Variants in LARP1 observed in about 807,000 individuals in gnomAD.
The protein encoded by LARP1 is La ribonucleoprotein 1, translational regulator, also known as la-related protein 1.
In LARP1, 36 loss-of-function variants were observed where a neutral mutation model predicts 122.7. The observed-to-expected ratio is 0.29, with a 90% confidence interval of 0.22 to 0.39. The LOEUF is 0.39. Among genes scored for constraint, LARP1 ranks in the 10% least tolerant of loss-of-function variants. LARP1 has a pLI of 1.00. For missense variants in LARP1, 1,040 were observed against 1,403.6 expected (o/e 0.74, Z 4.14); for synonymous variants, 539 against 528.7 (o/e 1.02, Z -0.27).
Position 154,814,141 on chromosome 5 carries a change from G to A in LARP1, c.*45G>A, listed in dbSNP as rs1450052696. On this transcript the variant is annotated 3_prime_UTR_variant, in exon 19 of 19. Transcript: ENST00000518297. ...GCTTGAGGGGGGAAAGGGGTAGGGT[G>A]GGTAAGAGTCCATGGGGGTGCCCAG... 9 of 1,590,362 alleles carry A rather than the reference G, an allele frequency of 5.7e-6. No individual in the cohort carries two copies. Among genetic ancestry groups the A allele is most frequent in the Non-Finnish European group, 7.7e-6 (9 of 1,163,284 alleles).
chr5:154,789,099 T>C (rs1023893209), intron 1 of LARP1, among the ~76,000 whole-genome samples: 22 of 151,432 alleles, frequency 1.5e-4, no homozygotes, highest in African/African-American at 5.3e-4. Context: ...CAGTCCCAGC[T>C]ACTTGGGAGG....
chr5:154,795,996 T>A (rs1421445839), intron 8 of LARP1, among the ~76,000 whole-genome samples: 34 of 100,646 alleles, frequency 3.4e-4, no homozygotes, highest in African/African-American at 9.0e-4. Context: ...TTATATATTT[T>A]TATATATATT....
chr5:154,813,978 C>A lies in LARP1; in HGVS notation c.3173C>A (p.Ser1058Tyr). 6.2e-7 allele frequency: 1 copy of A among 1,614,120 alleles called. No individual in the cohort carries two copies. The highest frequency in any genetic ancestry group is 8.5e-7 in the Non-Finnish European group (1 of 1,179,992). Residue 1058 changes from serine to tyrosine, a missense_variant, in exon 19 of 19, where the codon TCT (serine) becomes TAT (tyrosine). By Grantham distance (144) the Ser-to-Tyr change is moderately radical. Transcript: ENST00000518297. ...GEGRKRCPSQ[S>Y]SSRPAAMISQ... ...GGCAGGAAGCGGTGCCCCTCCCAGT[C>A]TTCCAGCAGGCCTGCTGCCATGATC...
chr5:154,718,112 G>T (rs1232674606), intron 1 of LARP1, among the ~76,000 whole-genome samples: 1 of 151,914 alleles, frequency 6.6e-6, no homozygotes, highest in Non-Finnish European at 1.5e-5. Context: ...TGTAGAAACG[G>T]GGTCTCACTT....
At chr5:154,722,000 C>T (rs150007393) in intron 1 of LARP1, among the ~76,000 whole-genome samples, 9 of 152,344 alleles carry the variant, frequency 5.9e-5, no homozygotes, top group African/African-American at 1.7e-4. Flanking sequence ...ATCTCCTCTT[C>T]ACTGTTTCCA....
chr5:154,794,315 T>C, intron 7 of LARP1, 53 bp downstream of exon 7: 4 of 1,579,640 alleles, frequency 2.5e-6, no homozygotes, highest in Non-Finnish European at 2.6e-6. Flanking sequence ...AGGTTAGGGG[T>C]TGCTAGAGTG....
rs775633522 is a variant in LARP1 at position 154,793,970 on chromosome 5, G to T, written c.1039G>T (p.Gly347Cys). ...TGGCCGTGGACGGGGGCGTGGTCGC[G>T]GCCGGGGACGCGGCCGGGGTGGCAC... Reference protein sequence around the residue: ...FRGRGRGRGRGRGRGRGGTRT... With the variant: ...FRGRGRGRGRCRGRGRGGTRT... Residue 347 changes from glycine (G) to cysteine (C), a missense_variant, in exon 6 of 19, where the codon GGC becomes TGC. This residue lies in a region of LARP1 where 178 missense variants were observed against 178.3 expected (regional missense o/e 1.00). Transcript: ENST00000518297. 1 of 1,611,160 alleles carries T rather than the reference G, an allele frequency of 6.2e-7. No homozygotes were observed. Among genetic ancestry groups the T allele is most frequent in the Non-Finnish European group, 8.5e-7 (1 of 1,178,096 alleles).
chr5:154,806,111 G>T, intron 15 of LARP1, 79 bp downstream of exon 15: 1 of 1,435,488 alleles, frequency 7.0e-7, no homozygotes, highest in Non-Finnish European at 9.4e-7. Context: ...GGGATACGGG[G>T]ATAGGTGACT....
At chr5:154,764,608 A>AAC (rs1384400786) in intron 1 of LARP1, among the ~76,000 whole-genome samples, 2 of 149,308 alleles carry the variant, frequency 1.3e-5, no homozygotes, top group African/African-American at 4.9e-5. Context: ...AAAAAAAAAA[A>AAC]AAAAAAAAAA....
chr5:154,691,874 C>A (rs1333044093), intron 1 of LARP1, among the ~76,000 whole-genome samples: 4 of 152,032 alleles, frequency 2.6e-5, no homozygotes, highest in African/African-American at 7.2e-5. Flanking sequence ...ACTGCAACCT[C>A]CCCCTCCGGG....
intron 1 of LARP1, among the ~76,000 whole-genome samples, chr5:154,739,262 C>T (rs1046306715): frequency 9.2e-5 from 14 of 152,108 alleles, no homozygotes; most frequent in Admixed American, 7.2e-4. Context: ...CCTCGTGATC[C>T]GCCCACCTCG....
chr5:154,816,243 T>G lies in LARP1; in HGVS notation c.*2147T>G, dbSNP rs906289559. 3.9e-5 allele frequency: 6 copies of G among 153,864 alleles called. No homozygotes were observed. Among genetic ancestry groups the G allele is most frequent in the Non-Finnish European group, 5.8e-5 (4 of 69,022 alleles). The allele number at this position is 153,864 out of a possible 1,614,324, so 9.5% of individuals were successfully genotyped here. A position where few individuals can be genotyped will look rare whatever the true frequency, so the allele number is the denominator to read the frequency against. On this transcript the variant is annotated 3_prime_UTR_variant, in exon 19 of 19. Transcript: ENST00000518297. ...GCCTGCCCCACATTGTACCGGACACTGGATTCCTGGACCCCCTTCTCCTTT... is the reference window on the plus strand; with the variant it reads ...GCCTGCCCCACATTGTACCGGACACGGGATTCCTGGACCCCCTTCTCCTTT...
At chr5:154,759,816 T>G (rs1017503612) in intron 1 of LARP1, among the ~76,000 whole-genome samples, 6 of 152,228 alleles carry the variant, frequency 3.9e-5, no homozygotes, top group African/African-American at 1.4e-4. Flanking sequence ...ATAAATTAAT[T>G]ACATGAGACA....
Position 154,800,060 on chromosome 5 carries a change from C to T in LARP1, c.1716+18C>T, listed in dbSNP as rs370798001. 1.2e-6 allele frequency: 2 copies of T among 1,610,608 alleles called. No individual in the cohort carries two copies. The highest frequency in any genetic ancestry group is 1.7e-6 in the Non-Finnish European group (2 of 1,178,628). ...GGCCCAAGGTGGGTGAGGCCTTGTC[C>T]CTTGCCTTGGTTCTAGCACTCTGAG... On this transcript the variant is annotated intron_variant, in intron 10 of 18. Transcript: ENST00000518297.
rs1220667566 is a variant in LARP1 at position 154,744,164 on chromosome 5, C to T, written c.205+31034C>T. On this transcript the variant is annotated intron_variant, in intron 1 of 18. Transcript: ENST00000336314. Reference sequence around the variant, plus strand: ...GGCAGGGGAGGATCATAAACATATGCGAAGGTCACCAAATGCTAAAACAAT... The same window carrying T: ...GGCAGGGGAGGATCATAAACATATGTGAAGGTCACCAAATGCTAAAACAAT... 2.0e-5 allele frequency among the ~76,000 whole-genome samples: 3 copies of T among 152,100 alleles called. No homozygotes were observed. In the East Asian group the frequency reaches 5.8e-4, roughly 29 times the overall value.
intron 1 of LARP1, among the ~76,000 whole-genome samples, chr5:154,700,860 G>A (rs1273096972): frequency 6.6e-6 from 1 of 152,144 alleles, no homozygotes; most frequent in Non-Finnish European, 1.5e-5. Flanking sequence ...GGGAGGCTGA[G>A]GCAGGAGAAT....
intron 1 of LARP1, among the ~76,000 whole-genome samples, chr5:154,706,512 C>T (rs1754958160): frequency 6.6e-6 from 1 of 151,766 alleles, no homozygotes. Context: ...ACTTTGAGTA[C>T]ATAGGGCCTC....
Position 154,811,154 on chromosome 5 carries a change from T to G in LARP1, c.2844-93T>G. 3 of 912,476 alleles carry G rather than the reference T, an allele frequency of 3.3e-6. No homozygotes were observed. In the Admixed American group the frequency reaches 6.2e-5, roughly 19 times the overall value. The allele number at this position is 912,476 out of a possible 1,614,324, so 56.5% of individuals were successfully genotyped here. On this transcript the variant is annotated intron_variant, in intron 16 of 18. Coordinates refer to ENST00000518297, the MANE Select transcript of LARP1 (RefSeq NM_033551.3). The stretch of plus-strand genomic sequence containing the variant: ...TTTCAATACAGAAATAACATGTAGT[T>G]TAAACTGTTTCATAGTTCCTCTGTT...
upstream of LARP1, among the ~76,000 whole-genome samples, chr5:154,709,412 A>G (rs550260984): frequency 1.3e-5 from 2 of 152,294 alleles, no homozygotes; most frequent in Admixed American, 1.3e-4. Context: ...TTCATTGGAT[A>G]GCCAGTCGCC....
Sources: gnomAD v4.1 joint callset for allele counts (sites outside exome capture counted in the v4.1 genomes callset) on GRCh38, gnomAD v4.1.1 for gene constraint, gnomAD v4.1.1 regional missense constraint, MANE v1.5 for transcripts, NCBI Gene and HGNC (gene_info 2026-07-23, HGNC 2026-07-21) for gene names.